Variants in PCSK2 observed in about 807,000 individuals in gnomAD.
PCSK2 encodes proprotein convertase subtilisin/kexin type 2.
Under a neutral mutation model 69.7 loss-of-function variants are expected in PCSK2, and 14 were observed. The observed-to-expected ratio is 0.20, with a 90% CI of 0.13 to 0.31. The LOEUF (loss-of-function observed/expected upper bound fraction) is 0.31, where lower values mean the gene tolerates loss of function less well. Among genes scored for constraint, PCSK2 ranks in the 10% least tolerant of loss-of-function variants. The probability of loss-of-function intolerance (pLI) is 1.00; values close to 1 mark genes in which losing one functional copy is unlikely to be tolerated. For missense variants in PCSK2, 544 were observed against 842.5 expected (o/e 0.65, Z 4.39); for synonymous variants, 307 against 320.7 (o/e 0.96, Z 0.46).
Position 17,347,789 on chromosome 20 carries a change from AAAG to A in PCSK2, c.283-10535_283-10533del, listed in dbSNP as rs1990689683. Among the ~76,000 whole-genome samples, 7 of 20,898 alleles carry A rather than the reference AAAG, an allele frequency of 3.3e-4. No individual in the cohort carries two copies. The South Asian group carries it at 4.9e-3, about 15-fold the overall frequency. The allele number at this position is 20,898 out of a possible 152,430, so 13.7% of individuals were successfully genotyped here. On this transcript the variant is annotated intron_variant, in intron 2 of 11. Transcript: ENST00000262545. Reference sequence around the variant, plus strand: ...AAAACTGCTGAAAGACACATAGACGAAAGAAAGAAAGAAAGAAAGAAAGAAAGA... The same window carrying A: ...AAAACTGCTGAAAGACACATAGACGAAAAGAAAGAAAGAAAGAAAGAAAGA...
intron 5 of PCSK2, among the ~76,000 whole-genome samples, chr20:17,405,749 C>T (rs79349281): frequency 0.012 from 1,785 of 152,194 alleles, 36 homozygotes; most frequent in African/African-American, 0.041. Flanking sequence ...AGAAATTAAG[C>T]CTTAGAATTA....
At chr20:17,270,208 A>T (rs1163135965) in intron 2 of PCSK2, among the ~76,000 whole-genome samples, 1 of 152,112 alleles carries the variant, frequency 6.6e-6, no homozygotes, top group African/African-American at 2.4e-5. Context: ...AATTTTTTTT[A>T]ATACTCTTTA....
At position 17,479,318 on chromosome 20, in the gene PCSK2, G is replaced by A. The variant is rs931301914; in HGVS notation, c.1431-2266G>A. The A allele has an allele frequency of 1.2e-5, 10 of 807,624 alleles. No individual in the cohort carries two copies. The African/African-American group carries it at 1.4e-4, about 11-fold the overall frequency. The allele number at this position is 807,624 out of a possible 1,614,324, so 50.0% of individuals were successfully genotyped here. On this transcript the variant is annotated intron_variant, in intron 11 of 11. Transcript: ENST00000262545. ...TGCTTGCGGTCCACTGGTTGATGTT[G>A]TTGTAATTATAATCTTCACCACCTA...
At chr20:17,311,747 A>G (rs1989519525) in intron 2 of PCSK2, among the ~76,000 whole-genome samples, 1 of 152,202 alleles carries the variant, frequency 6.6e-6, no homozygotes, top group African/African-American at 2.4e-5. Flanking sequence ...AGGAGCCTAT[A>G]CTGGAGTGAA....
Position 17,235,995 on chromosome 20 carries a change from T to TA in PCSK2, c.177+8519dup, listed in dbSNP as rs1468255442. Among the ~76,000 whole-genome samples the TA allele has an allele frequency of 2.0e-5, 3 of 152,144 alleles. No individual in the cohort carries two copies. The East Asian group carries it at 5.8e-4, about 29-fold the overall frequency. On this transcript the variant is annotated intron_variant, in intron 1 of 11. Coordinates refer to ENST00000262545, the MANE Select transcript of PCSK2 (RefSeq NM_002594.5). ...TTGTCAGAATCACTCATCATTATTTTAAAAAATACCAAGTAATAAAAAAAT... is the reference window on the plus strand; with the variant it reads ...TTGTCAGAATCACTCATCATTATTTTAAAAAAATACCAAGTAATAAAAAAAT...
chr20:17,318,016 A>T (rs1989742323), intron 2 of PCSK2, among the ~76,000 whole-genome samples: 1 of 152,220 alleles, frequency 6.6e-6, no homozygotes, highest in Non-Finnish European at 1.5e-5. Flanking sequence ...TGTATGTGTC[A>T]TTCAAATTTG....
At chr20:17,254,522 A>C (rs1987107970) in intron 1 of PCSK2, among the ~76,000 whole-genome samples, 1 of 152,146 alleles carries the variant, frequency 6.6e-6, no homozygotes, top group Non-Finnish European at 1.5e-5. Context: ...GATTATCATA[A>C]ATTATTTCTG....
chr20:17,370,479 G>A (rs2030726845), intron 5 of PCSK2, among the ~76,000 whole-genome samples: 1 of 152,198 alleles, frequency 6.6e-6, no homozygotes, highest in South Asian at 2.1e-4. Flanking sequence ...ACTATTAAAT[G>A]AATCATTGGC....
At chr20:17,343,308 G>T (rs1001787757) in intron 2 of PCSK2, among the ~76,000 whole-genome samples, 14 of 152,218 alleles carry the variant, frequency 9.2e-5, no homozygotes, top group African/African-American at 3.4e-4. Context: ...TTGTGGAAAT[G>T]AATGGAATTG....
intron 10 of PCSK2, chr20:17,463,346 C>A (rs2033044025): frequency 6.6e-6 from 1 of 152,128 alleles, no homozygotes; most frequent in Non-Finnish European, 1.5e-5. Flanking sequence ...GCAAAACACT[C>A]AGTTTTTAGC....
At chr20:17,308,019 G>A (rs1176094520) in intron 2 of PCSK2, among the ~76,000 whole-genome samples, 3 of 152,118 alleles carry the variant, frequency 2.0e-5, no homozygotes, top group Non-Finnish European at 4.4e-5. Flanking sequence ...GAAAGAGTGA[G>A]GGGAAGGTGC....
intron 2 of PCSK2, among the ~76,000 whole-genome samples, chr20:17,289,074 G>A (rs891770915): frequency 5.3e-5 from 8 of 152,256 alleles, no homozygotes; most frequent in Non-Finnish European, 8.8e-5. Flanking sequence ...TCTCTCAACC[G>A]AAGGACAGCA....
At chr20:17,360,338 A>G (rs1210304153) in intron 3 of PCSK2, among the ~76,000 whole-genome samples, 194 bp from the exon 4 acceptor site, 1 of 147,916 alleles carries the variant, frequency 6.8e-6, no homozygotes, top group Non-Finnish European at 1.5e-5. Context: ...GTTTATACCA[A>G]AAAAAAAAAA....
chr20:17,405,150 C>T (rs1453449328), intron 5 of PCSK2, among the ~76,000 whole-genome samples: 1 of 152,176 alleles, frequency 6.6e-6, no homozygotes, highest in Non-Finnish European at 1.5e-5. Context: ...AGTTTTACCA[C>T]CTACATTTTG....
chr20:17,238,511 A>G (rs1461805398), intron 1 of PCSK2, among the ~76,000 whole-genome samples: 1 of 152,158 alleles, frequency 6.6e-6, no homozygotes, highest in Non-Finnish European at 1.5e-5. Flanking sequence ...ATCGAACACT[A>G]TGTTTGTATG....
intron 5 of PCSK2, among the ~76,000 whole-genome samples, chr20:17,373,480 C>T (rs2030834367): frequency 6.6e-6 from 1 of 152,150 alleles, no homozygotes; most frequent in South Asian, 2.1e-4. Flanking sequence ...TGCAGCTTAC[C>T]AGGGACATGA....
chr20:17,324,053 G>A (rs1022722758), intron 2 of PCSK2, among the ~76,000 whole-genome samples: 7 of 152,198 alleles, frequency 4.6e-5, no homozygotes, highest in Non-Finnish European at 1.0e-4. Flanking sequence ...CACGTGGGAT[G>A]ACTCTGAGAC....
rs927283947 is a variant in PCSK2 at position 17,227,490 on chromosome 20, C to A, written c.177+8C>A. The stretch of plus-strand genomic sequence containing the variant: ...GGCTTTGGAGTCCGAAAGGTAAGCT[C>A]TCCCATGCATTTCGCATGTTGTTTC... On this transcript the variant is annotated splice_region_variant and intron_variant, in intron 1 of 11. Coordinates refer to ENST00000262545, the MANE Select transcript of PCSK2 (RefSeq NM_002594.5). 2 of 1,611,034 alleles carry A rather than the reference C, an allele frequency of 1.2e-6. No homozygotes were observed. Among genetic ancestry groups the A allele is most frequent in the Non-Finnish European group, 1.7e-6 (2 of 1,177,448 alleles).
intron 2 of PCSK2, among the ~76,000 whole-genome samples, chr20:17,348,642 T>G (rs1232546747): frequency 6.6e-6 from 1 of 152,168 alleles, no homozygotes; most frequent in Non-Finnish European, 1.5e-5. Flanking sequence ...AAGTCTCAGA[T>G]GAAGGTGTCA....
Sources: allele counts gnomAD v4.1 joint callset (sites outside exome capture counted in the v4.1 genomes callset), GRCh38; gene constraint gnomAD v4.1.1; transcripts MANE v1.5; gene names NCBI Gene and HGNC (gene_info 2026-07-23, HGNC 2026-07-21).